Variants in MTO1 observed in about 807,000 individuals in gnomAD.
MTO1 encodes 5-taurinomethyluridine-[tRNA] synthase subunit MTO1, mitochondrial.
Under a neutral mutation model 71.6 loss-of-function variants are expected in MTO1, and 46 were observed. That is an observed-to-expected ratio of 0.64 (90% CI 0.51 to 0.82). MTO1 has a LOEUF of 0.82. MTO1 is among the 40% of genes least tolerant of loss of function. The pLI is 0.00. For missense variants in MTO1, 773 were observed against 867.5 expected (o/e 0.89, Z 1.37); for synonymous variants, 297 against 312.1 (o/e 0.95, Z 0.51).
At chr6:73,474,701 AC>A (rs1561943049) in intron 4 of MTO1, among the ~76,000 whole-genome samples, 1 of 148,396 alleles carries the variant, frequency 6.7e-6, no homozygotes, top group African/African-American at 2.5e-5. Context: ...GCCTGCCTCA[AC>A]CTCCCAAAGT....
At chr6:73,478,833 C>T (rs1771404611) in intron 4 of MTO1, among the ~76,000 whole-genome samples, 2 of 151,418 alleles carry the variant, frequency 1.3e-5, no homozygotes, top group South Asian at 2.1e-4. Context: ...TGAGCCACGG[C>T]GCCCAGCCCA....
chr6:73,501,117 A>G lies in MTO1; in HGVS notation c.*382A>G, dbSNP rs1329039239. The G allele has an allele frequency of 1.3e-5, 2 of 155,240 alleles. No individual in the cohort carries two copies. The highest frequency in any genetic ancestry group is 4.8e-5 in the African/African-American group (2 of 41,606). The allele number at this position is 155,240 out of a possible 1,614,324, so 9.6% of individuals were successfully genotyped here. A position where few individuals can be genotyped will look rare whatever the true frequency, so the allele number is the denominator to read the frequency against. On this transcript the variant is annotated 3_prime_UTR_variant, in exon 12 of 12. Coordinates refer to ENST00000498286, the MANE Select transcript of MTO1 (RefSeq NM_012123.4). ...ATTCAGCGTGTTTTGAGAGTTAATA[A>G]TCTTTTGCTTGGTTATACTAGGCTA...
Position 73,475,496 on chromosome 6 carries a change from A to G in MTO1, c.825+1842A>G, listed in dbSNP as rs369025902. ...GAGACAGGGTTTCACCATGTTGATC[A>G]GGCTGGTCTTGAACTCTTTTTTTTT... On this transcript the variant is annotated intron_variant, in intron 4 of 11. Transcript: ENST00000498286. Among the ~76,000 whole-genome samples, 318 of 149,136 alleles carry G rather than the reference A, an allele frequency of 2.1e-3. 2 individuals are homozygous for G. Among genetic ancestry groups the G allele is most frequent in the East Asian group, 0.01 (53 of 5,090 alleles).
At chr6:73,495,419 T>C (rs970395725) in intron 10 of MTO1, among the ~76,000 whole-genome samples, 7 of 152,150 alleles carry the variant, frequency 4.6e-5, no homozygotes, top group Admixed American at 3.3e-4. Context: ...CAATAAATCG[T>C]CAGGTTCAGG....
Position 73,486,475 on chromosome 6 carries a change from C to T in MTO1, c.1637+3855C>T, listed in dbSNP as rs898575893. 4.4e-4 allele frequency: 144 copies of T among 325,498 alleles called. 4 individuals carry two copies. Among genetic ancestry groups the T allele is most frequent in the South Asian group, 3.0e-3 (135 of 44,310 alleles). 20.2% of individuals were successfully genotyped at this position (325,498 alleles called of 1,614,324 possible). Reference sequence around the variant, plus strand: ...GTATGTGGCCAGGCACGGTGGCTCACGCCTGTAATCCCAGCACTTTAGGAA... The same window carrying T: ...GTATGTGGCCAGGCACGGTGGCTCATGCCTGTAATCCCAGCACTTTAGGAA... On this transcript the variant is annotated intron_variant, in intron 9 of 11. Coordinates refer to ENST00000498286, the MANE Select transcript of MTO1 (RefSeq NM_012123.4).
intron 9 of MTO1, among the ~76,000 whole-genome samples, chr6:73,488,251 G>A (rs1243131136): frequency 6.6e-6 from 1 of 151,684 alleles, no homozygotes; most frequent in African/African-American, 2.4e-5. Context: ...ATAGCTCACT[G>A]CAGCCTCAAG....
At position 73,473,446 on chromosome 6, in the gene MTO1, A is replaced by T; in HGVS notation, c.617A>T (p.Glu206Val). The change falls in exon 4 of 12, where the codon GAG (glutamate) becomes GTG (valine). Residue 206 changes from glutamate to valine, a missense_variant. Physicochemically the swap from Glu to Val is moderately radical, Grantham distance 121. Coordinates refer to ENST00000498286, the MANE Select transcript of MTO1 (RefSeq NM_012123.4). Reference sequence around the variant, plus strand: ...AGAGGCATGATTGTAATTGGATTGGAGACGCATCCAGCAGGACGTTTAGGG... The same window carrying T: ...AGAGGCATGATTGTAATTGGATTGGTGACGCATCCAGCAGGACGTTTAGGG... The part of the protein sequence containing the change: ...FLRGMIVIGL[E>V]THPAGRLGDQ... 2.5e-6 allele frequency: 4 copies of T among 1,614,128 alleles called. No homozygotes were observed. Among genetic ancestry groups the T allele is most frequent in the Non-Finnish European group, 2.5e-6 (3 of 1,180,022 alleles).
At chr6:73,475,114 A>G (rs572244751) in intron 4 of MTO1, among the ~76,000 whole-genome samples, 10 of 151,940 alleles carry the variant, frequency 6.6e-5, no homozygotes, top group Admixed American at 2.0e-4. Flanking sequence ...CTTTTATTTT[A>G]AAAAATTTTT....
intron 10 of MTO1, among the ~76,000 whole-genome samples, chr6:73,497,048 G>GTC (rs1772000313): frequency 2.0e-5 from 3 of 150,692 alleles, no homozygotes; most frequent in African/African-American, 7.3e-5. Context: ...GCAAGACTCT[G>GTC]TCTCAAAAAA....
Position 73,492,240 on chromosome 6 carries a change from C to G in MTO1, c.1644C>G (p.Leu548=), listed in dbSNP as rs1037069389. 6.2e-7 allele frequency: 1 copy of G among 1,607,752 alleles called. No individual in the cohort carries two copies. The highest frequency in any genetic ancestry group is 1.3e-5 in the African/African-American group (1 of 74,730). Residue 548 remains leucine, a synonymous_variant, in exon 10 of 12, where the codon CTC becomes CTG. Coordinates refer to ENST00000498286, the MANE Select transcript of MTO1 (RefSeq NM_012123.4). ...AACTTTCATATATTTGCAGAGCTCT[C>G]GATGTTCTGAAGTATGAGGAAGTTG... ...STSRSLPVRA[L]DVLKYEEVDM...
rs1251952926 is a variant in MTO1, at chr6:73,462,057, G to A, written c.203G>A (p.Arg68His). Residue 68 changes from arginine (R) to histidine (H), a missense_variant, in exon 1 of 12, where the codon CGC (arginine) becomes CAC (histidine). Transcript: ENST00000498286. Reference sequence around the variant, plus strand: ...TCTCGGACTCTGCTCCTCACTCACCGCGTGGACACGATCGGTGAGGAGCGC... The same window carrying A: ...TCTCGGACTCTGCTCCTCACTCACCACGTGGACACGATCGGTGAGGAGCGC... ...CGSRTLLLTH[R>H]VDTIGQMSCN... 5.6e-6 allele frequency: 9 copies of A among 1,613,650 alleles called. No individual in the cohort carries two copies. Among genetic ancestry groups the A allele is most frequent in the Admixed American group, 1.7e-5 (1 of 60,006 alleles).
At position 73,482,602 on chromosome 6, in the gene MTO1, G is replaced by T. The variant is rs773811434; in HGVS notation, c.1619G>T (p.Ser540Ile). Residue 540 changes from serine to isoleucine, a missense_variant, in exon 9 of 12, where the codon AGT (serine) becomes ATT (isoleucine). Transcript: ENST00000498286. The stretch of plus-strand genomic sequence containing the variant: ...ATCCCAGAGGCTTCTATAAGTACTA[G>T]TAGAAGTCTGCCTGTCAGGTATGCA... ...KLIPEASIST[S>I]RSLPVRALDV... is the part of the protein sequence containing the mutation. 15 of 1,601,716 alleles carry T rather than the reference G, an allele frequency of 9.4e-6. No homozygotes were observed. Among genetic ancestry groups the T allele is most frequent in the Non-Finnish European group, 1.3e-5 (15 of 1,177,278 alleles).
At chr6:73,467,114 G>C (rs1771021372) in intron 3 of MTO1, among the ~76,000 whole-genome samples, 3 of 152,028 alleles carry the variant, frequency 2.0e-5, no homozygotes, top group Admixed American at 2.0e-4. Flanking sequence ...CAGAGTTTGA[G>C]ACCAGCCTCG....
chr6:73,496,035 A>G (rs1037219335), intron 10 of MTO1, among the ~76,000 whole-genome samples: 9 of 152,318 alleles, frequency 5.9e-5, no homozygotes, highest in African/African-American at 2.2e-4. Flanking sequence ...GTACTTCACA[A>G]CTATTCTTTG....
At chr6:73,497,668 A>G in intron 10 of MTO1, 68 bp from the exon 11 acceptor site, 1 of 1,463,822 alleles carries the variant, frequency 6.8e-7, no homozygotes, top group Non-Finnish European at 9.4e-7. Context: ...GTAAGAGGCT[A>G]CATAAATGTA....
rs959542604 is a variant in MTO1, at chr6:73,492,299, C to T, written c.1703C>T (p.Pro568Leu). 6.2e-7 allele frequency: 1 copy of T among 1,613,532 alleles called. No homozygotes were observed. Among genetic ancestry groups the T allele is most frequent in the African/African-American group, 1.3e-5 (1 of 74,792 alleles). ...TCATTAGCCAAGGCTGTTCCAGAGC[C>T]CTTGAAGAAGTATACTAAATGTAGA... The part of the protein sequence containing the change: ...MDSLAKAVPE[P>L]LKKYTKCREL... Residue 568 changes from proline to leucine, a missense_variant, in exon 10 of 12, where the codon CCC (proline) becomes CTC (leucine). By Grantham distance (98) the Pro-to-Leu change is moderately conservative. Transcript: ENST00000498286.
chr6:73,469,271 A>G (rs1043203038), intron 3 of MTO1, among the ~76,000 whole-genome samples: 2 of 152,106 alleles, frequency 1.3e-5, no homozygotes, highest in East Asian at 3.9e-4. Context: ...TCCCACCTCA[A>G]CCACCCAAAG....
intron 10 of MTO1, among the ~76,000 whole-genome samples, chr6:73,495,578 A>G (rs980728373): frequency 1.3e-5 from 2 of 152,000 alleles, no homozygotes; most frequent in Non-Finnish European, 2.9e-5. Context: ...AAAAAACTAT[A>G]CTAGATTGAA....
intron 10 of MTO1, among the ~76,000 whole-genome samples, chr6:73,494,327 A>T (rs1490308836): frequency 6.6e-6 from 1 of 152,162 alleles, no homozygotes; most frequent in East Asian, 1.9e-4. Context: ...GATGTAGTGA[A>T]AAAAGCAGGG....
Sources: gnomAD v4.1 joint callset for allele counts (sites outside exome capture counted in the v4.1 genomes callset) on GRCh38, gnomAD v4.1.1 for gene constraint, MANE v1.5 for transcripts, NCBI Gene and HGNC (gene_info 2026-07-23, HGNC 2026-07-21) for gene names.